PRKAR1A: variants seen among roughly 807,000 people sequenced by gnomAD.
PRKAR1A encodes cAMP-dependent protein kinase type I-alpha regulatory subunit.
A neutral mutation model predicts 52.0 loss-of-function variants in PRKAR1A; 3 were observed. The ratio of observed to expected loss-of-function variants is 0.06; its 90% CI spans 0.03 to 0.15. PRKAR1A has a LOEUF of 0.15. Ranked by LOEUF, PRKAR1A falls within the 10% of genes least tolerant of loss-of-function variation. PRKAR1A has a pLI of 1.00. For missense variants in PRKAR1A, 240 were observed against 477.4 expected, an observed-to-expected ratio of 0.50 and a Z score of 4.63; for synonymous variants, 188 against 168.4, an observed-to-expected ratio of 1.12 and a Z score of -0.90.
rs1033340702 is a variant in PRKAR1A at position 68,542,164 on chromosome 17, C to T, written c.974-8920C>T. 5.0e-6 allele frequency: 8 copies of T among 1,613,656 alleles called. No homozygotes were observed. In the African/African-American group the frequency reaches 5.3e-5, roughly 11 times the overall value. ...ACTTGGCGAAGAAGCACACGTTGCT[C>T]GCTGGAGGATGGGGAGGAGAGAGGA... On this transcript the variant is annotated intron_variant, in intron 11 of 11. Transcript: ENST00000585981.
chr17:68,525,735 G>A lies in PRKAR1A; in HGVS notation c.550-19G>A. On this transcript the variant is annotated intron_variant, in intron 6 of 10. Coordinates refer to ENST00000589228, the MANE Select transcript of PRKAR1A (RefSeq NM_002734.5). ...TTGTATCTAGAAAATAAACTTTTTT[G>A]ATGTCACTTGCACTTTAGGTCTATG... 6.2e-7 allele frequency: 1 copy of A among 1,613,124 alleles called. No individual in the cohort carries two copies. The highest frequency in any genetic ancestry group is 8.5e-7 in the Non-Finnish European group (1 of 1,179,450).
At chr17:68,447,859 G>A in the PRKAR1A span, among the ~76,000 whole-genome samples, 1 of 151,844 alleles carries the variant, frequency 6.6e-6, no homozygotes, top group Non-Finnish European at 1.5e-5. Context: ...CGGGCGTGGT[G>A]GCAGGTGCTT....
At chr17:68,523,637 TG>T in intron 3 of PRKAR1A, 87 bp from the exon 4 acceptor site, 1 of 981,966 alleles carries the variant, frequency 1.0e-6, no homozygotes, top group African/African-American at 1.6e-5. Flanking sequence ...TACCATAATG[TG>T]GCTTGACATT....
chr17:68,424,614 G>A, the PRKAR1A span: 11 of 452,874 alleles, frequency 2.4e-5, no homozygotes, highest in Non-Finnish European at 4.5e-5. Context: ...GGCGGTTCAC[G>A]CCTGTAATCC....
At chr17:68,526,355 T>C (rs2085791330) in intron 7 of PRKAR1A, among the ~76,000 whole-genome samples, 1 of 152,206 alleles carries the variant, frequency 6.6e-6, no homozygotes, top group South Asian at 2.1e-4. Context: ...ATGTCCCCTC[T>C]CGTTAAAGGA....
At chr17:68,498,405 G>A in the PRKAR1A span, among the ~76,000 whole-genome samples, 60 of 152,044 alleles carry the variant, frequency 3.9e-4, no homozygotes, top group Non-Finnish European at 6.5e-4. Context: ...ATTTCATTAC[G>A]TATTTATTTC....
the PRKAR1A span, among the ~76,000 whole-genome samples, chr17:68,495,930 G>A: frequency 4.4e-4 from 59 of 133,656 alleles, no homozygotes; most frequent in African/African-American, 1.3e-3. Flanking sequence ...CCCTCTCTGC[G>A]TTTCCTTTCC....
At chr17:68,540,394 A>C (rs1410784009) in intron 11 of PRKAR1A, among the ~76,000 whole-genome samples, 1 of 152,136 alleles carries the variant, frequency 6.6e-6, no homozygotes. Flanking sequence ...CTTGCTTCCG[A>C]CCTAAGCTCC....
At chr17:68,506,483 T>A in the PRKAR1A span, among the ~76,000 whole-genome samples, 1 of 145,968 alleles carries the variant, frequency 6.9e-6, no homozygotes, top group Non-Finnish European at 1.5e-5. Context: ...GACTGTGAAA[T>A]TTTTTTTTTC....
At chr17:68,529,555 C>T (rs950526005) in intron 9 of PRKAR1A, among the ~76,000 whole-genome samples, 1 of 152,202 alleles carries the variant, frequency 6.6e-6, no homozygotes, top group Non-Finnish European at 1.5e-5. Flanking sequence ...CATAGGGTTT[C>T]ATTCGCAAAG....
chr17:68,494,108 A>G, the PRKAR1A span, among the ~76,000 whole-genome samples: 1 of 152,378 alleles, frequency 6.6e-6, no homozygotes, highest in African/African-American at 2.4e-5. Flanking sequence ...TATATAATCA[A>G]AAATGCCATT....
At chr17:68,455,738 A>G in the PRKAR1A span, among the ~76,000 whole-genome samples, 3 of 152,208 alleles carry the variant, frequency 2.0e-5, no homozygotes, top group Non-Finnish European at 4.4e-5. Context: ...TTCTTATTCA[A>G]TTTCTGTAGA....
chr17:68,489,841 G>T, the PRKAR1A span, among the ~76,000 whole-genome samples: 80 of 152,258 alleles, frequency 5.3e-4, no homozygotes, highest in Non-Finnish European at 1.0e-3. Context: ...TAGGCGTGAG[G>T]CACCACGCCT....
At chr17:68,437,948 TAAAAAAAAAAA>T in the PRKAR1A span, among the ~76,000 whole-genome samples, 4 of 78,806 alleles carry the variant, frequency 5.1e-5, no homozygotes, top group Non-Finnish European at 1.0e-4. Flanking sequence ...ACATCTCTCT[TAAAAAAAAAAA>T]AAAAAAAAAA....
the PRKAR1A span, among the ~76,000 whole-genome samples, chr17:68,489,966 C>G: frequency 3.3e-5 from 5 of 152,130 alleles, no homozygotes; most frequent in Non-Finnish European, 7.4e-5. Context: ...TGAATCTTTT[C>G]TTTTAGAGAG....
In PRKAR1A at chr17:68,532,449, A is replaced by G; in HGVS notation, c.*2000A>G. 9.4e-7 allele frequency: 1 copy of G among 1,061,124 alleles called. No homozygotes were observed. The allele number at this position is 1,061,124 out of a possible 1,614,324, so 65.7% of individuals were successfully genotyped here. On this transcript the variant is annotated 3_prime_UTR_variant, in exon 11 of 11. Transcript: ENST00000589228. Reference sequence around the variant, plus strand: ...TCCCTTCTGTAGTTTTTAATTAAAAACTTTAAAGATAAGTCTACATTAAAC... The same window carrying G: ...TCCCTTCTGTAGTTTTTAATTAAAAGCTTTAAAGATAAGTCTACATTAAAC...
the PRKAR1A span, chr17:68,433,337 C>T: frequency 5.3e-5 from 46 of 875,980 alleles, no homozygotes; most frequent in South Asian, 6.7e-4. Flanking sequence ...CACACTCCAT[C>T]ACTTAGGTGA....
chr17:68,472,614 C>T, the PRKAR1A span, among the ~76,000 whole-genome samples: 2 of 152,076 alleles, frequency 1.3e-5, no homozygotes, highest in African/African-American at 2.4e-5. Flanking sequence ...TCACACTTAA[C>T]TTACAAGTTG....
At chr17:68,457,911 C>G in the PRKAR1A span, among the ~76,000 whole-genome samples, 1 of 152,198 alleles carries the variant, frequency 6.6e-6, no homozygotes, top group Admixed American at 6.5e-5. Context: ...AGGAATGCGG[C>G]TGGGGCCAGA....
Sources: gnomAD v4.1 joint callset for allele counts (sites outside exome capture counted in the v4.1 genomes callset) on GRCh38, gnomAD v4.1.1 for gene constraint, MANE v1.5 for transcripts, NCBI Gene and HGNC (gene_info 2026-07-23, HGNC 2026-07-21) for gene names.